BTBD9: variants seen among roughly 807,000 people sequenced by gnomAD.
BTBD9 encodes the protein BTB/POZ domain-containing protein 9.
In BTBD9, 49 loss-of-function variants were observed where a neutral mutation model predicts 64.3. The ratio of observed to expected loss-of-function variants is 0.76; its 90% confidence interval spans 0.61 to 0.97. The LOEUF (loss-of-function observed/expected upper bound fraction) is 0.97. BTBD9 is among the 50% of genes least tolerant of loss of function. The pLI is 0.00. For missense variants in BTBD9, 598 were observed against 762.1 expected (o/e 0.78, Z 2.53); for synonymous variants, 260 against 274.7 (o/e 0.95, Z 0.53).
intron 6 of BTBD9, among the ~76,000 whole-genome samples, chr6:38,512,889 T>C (rs769520386): frequency 6.6e-6 from 1 of 152,184 alleles, no homozygotes; most frequent in Non-Finnish European, 1.5e-5. Flanking sequence ...GTATATGTAA[T>C]GTAAAAATGA....
intron 9 of BTBD9, among the ~76,000 whole-genome samples, chr6:38,232,692 T>C (rs1298551145): frequency 6.6e-6 from 1 of 150,972 alleles, no homozygotes; most frequent in African/African-American, 2.4e-5. Context: ...GAAGATAAGG[T>C]CTCGCTATGT....
intron 6 of BTBD9, among the ~76,000 whole-genome samples, chr6:38,522,560 A>G (rs1464080972): frequency 1.3e-5 from 2 of 152,186 alleles, no homozygotes; most frequent in Admixed American, 6.5e-5. Context: ...ACATTCTTTC[A>G]AACCAGATGT....
In BTBD9 at chr6:38,365,163, T is replaced by C. The variant is rs1765137335; in HGVS notation, c.1155-20070A>G. ...TAAATACTTAGTCTATGCCAGGCACTACGCTAAGCACCTTACCTGTTTTCA... is the reference window on the plus strand; with the variant it reads ...TAAATACTTAGTCTATGCCAGGCACCACGCTAAGCACCTTACCTGTTTTCA... On this transcript the variant is annotated intron_variant, in intron 6 of 10. Transcript: ENST00000481247. 2.6e-5 allele frequency among the ~76,000 whole-genome samples: 4 copies of C among 152,206 alleles called. No individual in the cohort carries two copies. In the South Asian group the frequency reaches 8.3e-4, roughly 32 times the overall value.
chr6:38,434,185 A>G (rs1768595826), intron 6 of BTBD9, among the ~76,000 whole-genome samples: 1 of 152,034 alleles, frequency 6.6e-6, no homozygotes, highest in African/African-American at 2.4e-5. Flanking sequence ...GCATCTGTAA[A>G]GAATCTCTAT....
In BTBD9 at chr6:38,184,079, C is replaced by T. The variant is rs9470813; in HGVS notation, c.1641+8440G>A. Among the ~76,000 whole-genome samples, 82,711 of 152,058 alleles carry T rather than the reference C, an allele frequency of 0.54. 23,427 individuals are homozygous for T. The highest frequency in any genetic ancestry group is 0.63 in the Non-Finnish European group (42,522 of 67,954). On this transcript the variant is annotated intron_variant, in intron 10 of 10. Coordinates refer to ENST00000481247, the MANE Select transcript of BTBD9 (RefSeq NM_001099272.2). This position sits in a 1 kb window ranked among gnomAD's most constrained non-coding sequence, Gnocchi z 4.4. ...GTCTGGCTTCTGTCCTTCAACACGCCGTTATGTTCATCCACCCACAGTCCC... is the reference window on the plus strand; with the variant it reads ...GTCTGGCTTCTGTCCTTCAACACGCTGTTATGTTCATCCACCCACAGTCCC...
chr6:38,470,787 A>G lies in BTBD9; in HGVS notation c.1154+106813T>C, dbSNP rs372753469. 1.5e-4 allele frequency among the ~76,000 whole-genome samples: 23 copies of G among 152,346 alleles called. No individual in the cohort carries two copies. The South Asian group carries it at 4.8e-3, about 32-fold the overall frequency. On this transcript the variant is annotated intron_variant, in intron 6 of 10. Coordinates refer to ENST00000481247, the MANE Select transcript of BTBD9 (RefSeq NM_001099272.2). ...CACCCTTCACACTTAGTCTGCCTTC[A>G]GAAGAGAGGAGCATTAGAAGCCCTC...
intron 6 of BTBD9, among the ~76,000 whole-genome samples, chr6:38,457,480 AT>A (rs200248949): frequency 1.1e-3 from 164 of 146,692 alleles, no homozygotes; most frequent in Middle Eastern, 3.5e-3. Flanking sequence ...TGAAGAGTTA[AT>A]TTTTTTTTTT....
rs139730026 is a variant in BTBD9, at chr6:38,183,170, T to C, written c.1642-7988A>G. ...AATTTTTTAATTCTTTTAGTAGAGA[T>C]GGGGTTTCACCGTGTTAGCCAGGAT... On this transcript the variant is annotated intron_variant, in intron 10 of 10. Transcript: ENST00000481247. Among the ~76,000 whole-genome samples the C allele has an allele frequency of 0.014, 2,142 of 152,196 alleles. 197 individuals carry two copies. The East Asian group carries it at 0.24, about 17-fold the overall frequency.
chr6:38,509,393 T>C (rs1440220572), intron 6 of BTBD9, among the ~76,000 whole-genome samples: 1 of 152,222 alleles, frequency 6.6e-6, no homozygotes, highest in Non-Finnish European at 1.5e-5. Flanking sequence ...CTAAGATATG[T>C]TAGTCCTAAA....
At chr6:38,378,031 T>C (rs1006123787) in intron 6 of BTBD9, among the ~76,000 whole-genome samples, 1 of 152,150 alleles carries the variant, frequency 6.6e-6, no homozygotes, top group Non-Finnish European at 1.5e-5. Flanking sequence ...TTCCTGGTCA[T>C]GTGATTCTTC....
chr6:38,188,563 T>C (rs1291489669), intron 10 of BTBD9, among the ~76,000 whole-genome samples: 1 of 152,236 alleles, frequency 6.6e-6, no homozygotes, highest in African/African-American at 2.4e-5. Flanking sequence ...CGATAGTTTT[T>C]GAAGCTAGCA....
chr6:38,275,859 A>G (rs1761215234), intron 8 of BTBD9, among the ~76,000 whole-genome samples: 1 of 151,992 alleles, frequency 6.6e-6, no homozygotes, highest in African/African-American at 2.4e-5. Flanking sequence ...CAGGTGCTGG[A>G]GAGGATGTGG....
intron 9 of BTBD9, among the ~76,000 whole-genome samples, chr6:38,252,208 C>T (rs755642490): frequency 3.9e-5 from 6 of 152,018 alleles, no homozygotes; most frequent in African/African-American, 7.3e-5. Context: ...GATTTCTTGA[C>T]GAGGTAGAAT....
At chr6:38,288,191 T>C in intron 8 of BTBD9, 81 bp downstream of exon 8, 2 of 1,375,076 alleles carry the variant, frequency 1.5e-6, no homozygotes, top group South Asian at 1.4e-5. Flanking sequence ...CTGAAGTTAT[T>C]AGGATTATCA....
chr6:38,610,277 G>A (rs907747760), intron 1 of BTBD9, among the ~76,000 whole-genome samples: 9 of 152,132 alleles, frequency 5.9e-5, no homozygotes, highest in Non-Finnish European at 1.2e-4. Flanking sequence ...GGAATCAGCC[G>A]CTGATAACGA....
At chr6:38,189,205 C>T (rs961588217) in intron 10 of BTBD9, among the ~76,000 whole-genome samples, 9 of 152,284 alleles carry the variant, frequency 5.9e-5, no homozygotes, top group South Asian at 2.1e-4. Flanking sequence ...TCCTATGCTG[C>T]GGCCCTCCCC....
chr6:38,612,571 T>G (rs1048343404), intron 1 of BTBD9, among the ~76,000 whole-genome samples: 2 of 152,212 alleles, frequency 1.3e-5, no homozygotes, highest in African/African-American at 4.8e-5. Context: ...TTGCAATATC[T>G]GGTGGCCAGT....
intron 8 of BTBD9, among the ~76,000 whole-genome samples, chr6:38,285,449 A>G (rs1331663728): frequency 6.6e-6 from 1 of 151,944 alleles, no homozygotes; most frequent in Admixed American, 6.6e-5. Flanking sequence ...ACAGGGAGGG[A>G]AGGATAATGG....
intron 7 of BTBD9, among the ~76,000 whole-genome samples, chr6:38,331,278 G>C (rs1422441506): frequency 6.6e-6 from 1 of 152,086 alleles, no homozygotes; most frequent in Non-Finnish European, 1.5e-5. Flanking sequence ...CCAGGTGTTT[G>C]AGACAGCCTG....
Sources: gnomAD v4.1 joint callset for allele counts (sites outside exome capture counted in the v4.1 genomes callset) on GRCh38, gnomAD v4.1.1 for gene constraint, Gnocchi (gnomAD v3.1) non-coding constraint, MANE v1.5 for transcripts, NCBI Gene and HGNC (gene_info 2026-07-23, HGNC 2026-07-21) for gene names.